The following SLC24A3 variants were observed in gnomAD, a reference collection of about 807,000 sequenced individuals.
SLC24A3 encodes the protein solute carrier family 24 member 3.
In SLC24A3, 28 loss-of-function variants were observed where a neutral mutation model predicts 75.8. The observed-to-expected ratio is 0.37, with a 90% CI of 0.27 to 0.51. The LOEUF (loss-of-function observed/expected upper bound fraction) is 0.51. Among genes scored for constraint, SLC24A3 ranks in the 20% least tolerant of loss-of-function variants. The pLI, the probability that SLC24A3 is intolerant of heterozygous loss-of-function variation, is 0.94. For missense variants in SLC24A3, 663 were observed against 847.8 expected (o/e 0.78, Z 2.71); for synonymous variants, 372 against 334.1 (o/e 1.11, Z -1.24).
chr20:19,253,249 A>C (rs2122182866), intron 1 of SLC24A3, among the ~76,000 whole-genome samples: 1 of 152,344 alleles, frequency 6.6e-6, no homozygotes, highest in African/African-American at 2.4e-5. Context: ...GGAAATTTCA[A>C]CCAGGGAGTG....
chr20:19,434,151 A>G (rs776395029), intron 2 of SLC24A3, among the ~76,000 whole-genome samples: 8 of 152,216 alleles, frequency 5.3e-5, no homozygotes, highest in Non-Finnish European at 1.2e-4. Context: ...TTTACCGAAC[A>G]AGATAAGTAA....
chr20:19,242,003 A>G (rs1276013952), intron 1 of SLC24A3, among the ~76,000 whole-genome samples: 1 of 152,202 alleles, frequency 6.6e-6, no homozygotes, highest in Non-Finnish European at 1.5e-5. Context: ...TATACCTTCA[A>G]GGTCCCAGGA....
At chr20:19,450,734 C>T (rs1311979451) in intron 2 of SLC24A3, among the ~76,000 whole-genome samples, 3 of 152,172 alleles carry the variant, frequency 2.0e-5, no homozygotes, top group Non-Finnish European at 4.4e-5. Context: ...TTCGATGGCT[C>T]ACACCTGTAA....
intron 1 of SLC24A3, among the ~76,000 whole-genome samples, chr20:19,261,159 A>G (rs1162909064): frequency 6.6e-6 from 1 of 152,144 alleles, no homozygotes; most frequent in Non-Finnish European, 1.5e-5. Flanking sequence ...AAAGATGGGA[A>G]TTTATTCCAG....
At chr20:19,647,084 C>A (rs1027409913) in intron 6 of SLC24A3, among the ~76,000 whole-genome samples, 2 of 152,088 alleles carry the variant, frequency 1.3e-5, no homozygotes, top group Admixed American at 1.3e-4. Flanking sequence ...AGAGAATTTA[C>A]ACTCCTAGGT....
intron 2 of SLC24A3, among the ~76,000 whole-genome samples, chr20:19,470,301 T>C (rs1987848185): frequency 6.6e-6 from 1 of 152,122 alleles, no homozygotes; most frequent in South Asian, 2.1e-4. Flanking sequence ...AAATTAGAGA[T>C]AGGAGGCTAC....
chr20:19,613,224 A>G (rs2031694502), intron 6 of SLC24A3, among the ~76,000 whole-genome samples: 1 of 152,196 alleles, frequency 6.6e-6, no homozygotes, highest in Non-Finnish European at 1.5e-5. Flanking sequence ...CTATTTGTGT[A>G]TTATAAAACT....
chr20:19,383,452 A>C (rs888648952), intron 2 of SLC24A3, among the ~76,000 whole-genome samples: 2 of 152,078 alleles, frequency 1.3e-5, no homozygotes, highest in African/African-American at 2.4e-5. Context: ...CTGAAGCTAC[A>C]TGTAGTATAC....
intron 16 of SLC24A3, 105 bp downstream of exon 16, chr20:19,717,698 C>G: frequency 8.2e-7 from 1 of 1,223,764 alleles, no homozygotes; most frequent in Non-Finnish European, 1.2e-6. Context: ...TGGGTACAAG[C>G]AACCTCCTTG....
intron 2 of SLC24A3, among the ~76,000 whole-genome samples, chr20:19,363,052 A>G (rs1330879033): frequency 6.6e-6 from 1 of 152,212 alleles, no homozygotes; most frequent in Non-Finnish European, 1.5e-5. Context: ...CAGGATAGGA[A>G]CTGACAGGTG....
Position 19,311,347 on chromosome 20 carries a change from A to G in SLC24A3, c.271+30260A>G, listed in dbSNP as rs368965613. On this transcript the variant is annotated intron_variant, in intron 2 of 16. Coordinates refer to ENST00000328041, the MANE Select transcript of SLC24A3 (RefSeq NM_020689.4). ...GATCATTCCAGGGCCCCACACAGGA[A>G]ATCAGGATGAGGTCACTCAACAGCC... 2.0e-5 allele frequency among the ~76,000 whole-genome samples: 3 copies of G among 152,146 alleles called. No homozygotes were observed. In the East Asian group the frequency reaches 5.8e-4, roughly 30 times the overall value.
chr20:19,477,105 A>C (rs556679480), intron 2 of SLC24A3, among the ~76,000 whole-genome samples: 67 of 152,080 alleles, frequency 4.4e-4, no homozygotes, highest in African/African-American at 1.5e-3. Context: ...AGGGCTATTA[A>C]CCAGGCAGAC....
At chr20:19,641,876 G>T (rs2032078730) in intron 6 of SLC24A3, among the ~76,000 whole-genome samples, 2 of 152,066 alleles carry the variant, frequency 1.3e-5, no homozygotes, top group Non-Finnish European at 1.5e-5. Flanking sequence ...GGTGGGCCCG[G>T]GAATCTGTAC....
At position 19,637,076 on chromosome 20, in the gene SLC24A3, A is replaced by G. The variant is rs574263102; in HGVS notation, c.613-16986A>G. ...GCACTTTGGGAAGCCAAGGTGGTGG[A>G]TCACCTGAGGTCAGGAATTCAAGAT... On this transcript the variant is annotated intron_variant, in intron 6 of 16. Coordinates refer to ENST00000328041, the MANE Select transcript of SLC24A3 (RefSeq NM_020689.4). Among the ~76,000 whole-genome samples the G allele has an allele frequency of 3.3e-5, 5 of 152,350 alleles. No individual in the cohort carries two copies. The East Asian group carries it at 9.7e-4, about 29-fold the overall frequency.
chr20:19,346,260 TATATATATATG>T (rs1350793720), intron 2 of SLC24A3, among the ~76,000 whole-genome samples: 1,767 of 103,038 alleles, frequency 0.017, 176 homozygotes, highest in African/African-American at 0.081. Context: ...ATATATATGG[TATATATATATG>T]GTGTATATAT....
intron 15 of SLC24A3, among the ~76,000 whole-genome samples, chr20:19,703,884 A>G (rs1195204963): frequency 6.6e-6 from 1 of 152,206 alleles, no homozygotes; most frequent in African/African-American, 2.4e-5. Context: ...AGGGGCCCCA[A>G]CCAAGGGCTT....
chr20:19,572,664 G>A (rs2031071866), intron 3 of SLC24A3, among the ~76,000 whole-genome samples: 1 of 152,200 alleles, frequency 6.6e-6, no homozygotes, highest in Non-Finnish European at 1.5e-5. Flanking sequence ...GGCACCAGCA[G>A]CCTTCTGCTA....
At chr20:19,346,451 C>T (rs1600440852) in intron 2 of SLC24A3, among the ~76,000 whole-genome samples, 1 of 146,706 alleles carries the variant, frequency 6.8e-6, no homozygotes, top group Non-Finnish European at 1.5e-5. Context: ...TATACACACA[C>T]CATATACCAT....
intron 3 of SLC24A3, among the ~76,000 whole-genome samples, chr20:19,563,585 G>A (rs2030911897): frequency 6.6e-6 from 1 of 152,274 alleles, no homozygotes; most frequent in East Asian, 1.9e-4. Flanking sequence ...TAGGCTTGAA[G>A]AGGCGCCAGA....
Sources: allele counts gnomAD v4.1 joint callset (sites outside exome capture counted in the v4.1 genomes callset), GRCh38; gene constraint gnomAD v4.1.1; transcripts MANE v1.5; gene names NCBI Gene and HGNC (gene_info 2026-07-23, HGNC 2026-07-21).